PCCA: variants seen among roughly 807,000 people sequenced by gnomAD.
PCCA encodes the protein propionyl-CoA carboxylase alpha chain, mitochondrial.
In PCCA, 74 loss-of-function variants were observed where a neutral mutation model predicts 101.3. The ratio of observed to expected loss-of-function variants is 0.73; its 90% CI spans 0.61 to 0.89. The LOEUF is 0.89. Ranked by LOEUF, PCCA falls within the 40% of genes least tolerant of loss-of-function variation. PCCA has a pLI of 0.00. For missense variants in PCCA, 891 were observed against 907.0 expected, an observed-to-expected ratio of 0.98 and a Z score of 0.23; for synonymous variants, 294 against 313.6, an observed-to-expected ratio of 0.94 and a Z score of 0.66.
chr13:100,231,951 T>G (rs1178447738), intron 7 of PCCA, among the ~76,000 whole-genome samples: 1 of 152,194 alleles, frequency 6.6e-6, no homozygotes, highest in Non-Finnish European at 1.5e-5. Flanking sequence ...AAATGTGTAT[T>G]TCTGTCTTAA....
chr13:100,160,374 G>A (rs183767848), intron 6 of PCCA, among the ~76,000 whole-genome samples: 1 of 151,956 alleles, frequency 6.6e-6, no homozygotes, highest in African/African-American at 2.4e-5. Flanking sequence ...ATGGTGGCAC[G>A]AGCCTTTGAT....
chr13:100,141,575 T>C (rs1594328035), intron 4 of PCCA, among the ~76,000 whole-genome samples: 1 of 152,200 alleles, frequency 6.6e-6, no homozygotes, highest in East Asian at 1.9e-4. Flanking sequence ...CATGTCCAGC[T>C]GATTTTTTTG....
chr13:100,509,435 G>A (rs186448687), intron 21 of PCCA, among the ~76,000 whole-genome samples: 2 of 152,250 alleles, frequency 1.3e-5, no homozygotes, highest in East Asian at 3.9e-4. Flanking sequence ...GATCACGGAC[G>A]GTTTGACTTG....
chr13:100,382,599 C>T (rs929021861), intron 19 of PCCA, among the ~76,000 whole-genome samples: 1 of 152,094 alleles, frequency 6.6e-6, no homozygotes, highest in Admixed American at 6.5e-5. Flanking sequence ...TAGTTGTTGG[C>T]CTACATGTCA....
intron 15 of PCCA, 79 bp downstream of exon 15, chr13:100,307,339 A>G: frequency 1.1e-6 from 1 of 937,674 alleles, no homozygotes; most frequent in Non-Finnish European, 1.7e-6. Context: ...CTGGGCCTTT[A>G]TCTGAATCAT....
At chr13:100,358,960 G>A (rs1033904119) in intron 18 of PCCA, among the ~76,000 whole-genome samples, 1 of 152,138 alleles carries the variant, frequency 6.6e-6, no homozygotes, top group Admixed American at 6.5e-5. Context: ...AGCCAGGTGT[G>A]GTGGTGCACG....
intron 21 of PCCA, among the ~76,000 whole-genome samples, chr13:100,455,792 T>G (rs142646024): frequency 6.6e-6 from 1 of 152,144 alleles, no homozygotes; most frequent in East Asian, 1.9e-4. Context: ...CTCCACCTCC[T>G]GGGTTCAAGC....
intron 23 of PCCA, among the ~76,000 whole-genome samples, chr13:100,529,563 C>T (rs1214295247): frequency 6.6e-6 from 1 of 152,204 alleles, no homozygotes; most frequent in African/African-American, 2.4e-5. Context: ...AGGGCGACCG[C>T]ACAGCCCCAC....
At chr13:100,496,522 G>A (rs9518084) in intron 21 of PCCA, among the ~76,000 whole-genome samples, 34,435 of 151,586 alleles carry the variant, frequency 0.23, 4,020 homozygotes, top group Non-Finnish European at 0.25. Flanking sequence ...CGTTGTCCTC[G>A]TTGTCCCCTC....
chr13:100,521,397 AT>A (rs2087281350), intron 22 of PCCA, among the ~76,000 whole-genome samples: 1 of 152,208 alleles, frequency 6.6e-6, no homozygotes. Context: ...TGCATGGGCC[AT>A]TAAAGGAGTC....
At position 100,309,821 on chromosome 13, in the gene PCCA, G is replaced by C; in HGVS notation, c.1354-12G>C. ...TATATATATATTGGGTTTTTTGTTT[G>C]CTTGTTTTTAGCTAATCACATATGG... On this transcript the variant is annotated splice_polypyrimidine_tract_variant and intron_variant, in intron 15 of 23. Transcript: ENST00000376285. The C allele has an allele frequency of 6.3e-7, 1 of 1,593,712 alleles. No homozygotes were observed. Among genetic ancestry groups the C allele is most frequent in the Non-Finnish European group, 8.6e-7 (1 of 1,162,238 alleles).
At chr13:100,459,142 CTG>C (rs1013829248) in intron 21 of PCCA, among the ~76,000 whole-genome samples, 19 of 152,180 alleles carry the variant, frequency 1.2e-4, no homozygotes, top group African/African-American at 4.6e-4. Context: ...TTCCCTATGA[CTG>C]TGTGTGTTCA....
chr13:100,504,464 G>A (rs1009161612), intron 21 of PCCA, among the ~76,000 whole-genome samples: 3 of 152,222 alleles, frequency 2.0e-5, no homozygotes, highest in East Asian at 3.8e-4. Context: ...GCGTGAGAGC[G>A]ATTTAGATCC....
chr13:100,221,494 C>T (rs535764576), intron 7 of PCCA, among the ~76,000 whole-genome samples: 10 of 152,240 alleles, frequency 6.6e-5, no homozygotes, highest in East Asian at 5.8e-4. Context: ...GAATTTGCAG[C>T]CTCTGTTCTA....
intron 7 of PCCA, among the ~76,000 whole-genome samples, chr13:100,217,002 G>A (rs1232502540): frequency 2.0e-5 from 3 of 151,948 alleles, no homozygotes; most frequent in African/African-American, 7.3e-5. Flanking sequence ...CCAGCTACTC[G>A]GGAGGCTGAG....
chr13:100,307,365 A>G (rs1229731819), intron 15 of PCCA, 105 bp downstream of exon 15: 1 of 787,186 alleles, frequency 1.3e-6, no homozygotes, highest in Admixed American at 2.2e-5. Context: ...ATAATTAAAC[A>G]ACTAATTATG....
intron 8 of PCCA, among the ~76,000 whole-genome samples, chr13:100,250,021 A>C (rs1446601663): frequency 6.6e-6 from 1 of 152,146 alleles, no homozygotes; most frequent in Non-Finnish European, 1.5e-5. Flanking sequence ...TAGTGAAGAC[A>C]GTTCTATTTA....
At chr13:100,393,780 G>A (rs1472303267) in intron 19 of PCCA, among the ~76,000 whole-genome samples, 1 of 152,050 alleles carries the variant, frequency 6.6e-6, no homozygotes, top group African/African-American at 2.4e-5. Flanking sequence ...AAAGTTAATG[G>A]TGCAACTAGG....
chr13:100,506,388 G>A (rs2086082521), intron 21 of PCCA, among the ~76,000 whole-genome samples: 1 of 151,766 alleles, frequency 6.6e-6, no homozygotes, highest in East Asian at 1.9e-4. Flanking sequence ...CGGGGGTGGG[G>A]GCGGGGGCGG....
Sources: gnomAD v4.1 joint callset for allele counts (sites outside exome capture counted in the v4.1 genomes callset) on GRCh38, gnomAD v4.1.1 for gene constraint, MANE v1.5 for transcripts, NCBI Gene and HGNC (gene_info 2026-07-23, HGNC 2026-07-21) for gene names.